MED13L: variants seen among roughly 807,000 people sequenced by gnomAD.
MED13L encodes the protein mediator complex subunit 13L.
A neutral mutation model predicts 220.9 loss-of-function variants in MED13L; 7 were observed. That is an observed-to-expected ratio of 0.03 (90% CI 0.02 to 0.06). MED13L has a LOEUF of 0.06. Among genes scored for constraint, MED13L ranks in the 10% least tolerant of loss-of-function variants. The pLI is 1.00. For synonymous variants in MED13L, 1,011 were observed against 1,015.2 expected (o/e 1.00, Z 0.08); for missense variants, 1,965 against 2,760.5 (o/e 0.71, Z 6.46).
intron 2 of MED13L, among the ~76,000 whole-genome samples, chr12:116,160,379 T>C (rs916029002): frequency 2.0e-5 from 3 of 152,062 alleles, no homozygotes; most frequent in Non-Finnish European, 2.9e-5. Context: ...ACCATTTAGG[T>C]GAGTCACGAT....
intron 3 of MED13L, 59 bp from the exon 4 acceptor site, chr12:116,096,811 T>C (rs1473528021): frequency 1.6e-6 from 2 of 1,249,912 alleles, no homozygotes; most frequent in African/African-American, 1.5e-5. Context: ...AGTAAGTCGC[T>C]GAAGCAATAC....
At chr12:116,128,487 C>T (rs1001452332) in intron 2 of MED13L, among the ~76,000 whole-genome samples, 11 of 151,168 alleles carry the variant, frequency 7.3e-5, no homozygotes, top group Non-Finnish European at 8.9e-5. Flanking sequence ...CCACAATAAA[C>T]TCACAATGTA....
intron 1 of MED13L, among the ~76,000 whole-genome samples, chr12:116,257,345 T>TA (rs1593218851): frequency 6.6e-6 from 1 of 152,214 alleles, no homozygotes; most frequent in Admixed American, 6.5e-5. Context: ...CATGCCCACT[T>TA]AAAGAACTAC....
At chr12:116,017,090 C>T (rs1457367439) in intron 7 of MED13L, among the ~76,000 whole-genome samples, 4 of 152,122 alleles carry the variant, frequency 2.6e-5, no homozygotes, top group Admixed American at 1.3e-4. Flanking sequence ...ACAAGGATAT[C>T]GGCAGCTTTT....
chr12:115,970,700 G>A lies in MED13L; in HGVS notation c.5961C>T (p.Thr1987=). The A allele has an allele frequency of 6.2e-7, 1 of 1,614,062 alleles. No homozygotes were observed. The highest frequency in any genetic ancestry group is 8.5e-7 in the Non-Finnish European group (1 of 1,179,942). The change falls in exon 27 of 31, where the codon ACC becomes ACT. Residue 1987 remains threonine, a synonymous_variant. Coordinates refer to ENST00000281928, the MANE Select transcript of MED13L (RefSeq NM_015335.5). ...TGTGTGTACAAGAAGCATCTTGAGG[G>A]GTGTTGAGCTGAGATGACTGCATGT... ...ALNMQSSQLN[T]PQDASCTHIL...
rs1274280900 is a variant in MED13L at position 115,961,247 on chromosome 12, A to T, written c.*19T>A. ...GCAGGGAGAAGGAACTGAGCCAGAG[A>T]GAACAAGTGCTTTTCCAATTAAAGT... On this transcript the variant is annotated 3_prime_UTR_variant, in exon 31 of 31. Transcript: ENST00000281928. 1 of 1,614,008 alleles carries T rather than the reference A, an allele frequency of 6.2e-7. No homozygotes were observed. Among genetic ancestry groups the T allele is most frequent in the African/African-American group, 1.3e-5 (1 of 74,948 alleles).
chr12:116,221,912 A>C (rs975094825), intron 2 of MED13L, among the ~76,000 whole-genome samples: 1 of 152,172 alleles, frequency 6.6e-6, no homozygotes, highest in East Asian at 1.9e-4. Context: ...AAATAATTAT[A>C]ATCATTCTTG....
chr12:116,240,592 G>A (rs1226161803), intron 1 of MED13L, among the ~76,000 whole-genome samples: 3 of 151,508 alleles, frequency 2.0e-5, no homozygotes, highest in African/African-American at 4.9e-5. Flanking sequence ...CAGTGCAGTG[G>A]CGCGATCTCG....
At chr12:116,252,417 T>G (rs1204983581) in intron 1 of MED13L, among the ~76,000 whole-genome samples, 1 of 151,816 alleles carries the variant, frequency 6.6e-6, no homozygotes, top group African/African-American at 2.4e-5. Flanking sequence ...CACATGCCTG[T>G]GGTCCCAGGT....
At position 116,088,704 on chromosome 12, in the gene MED13L, C is replaced by T. The variant is rs529329047; in HGVS notation, c.479+7965G>A. On this transcript the variant is annotated intron_variant, in intron 4 of 30. Transcript: ENST00000281928. ...AATCTGAATTCAGCCAAAGTTAACC[C>T]CTTGCTTAAAAAAGAAAGAAAAGAA... Among the ~76,000 whole-genome samples, 42 of 150,792 alleles carry T rather than the reference C, an allele frequency of 2.8e-4. 1 individual carries two copies. The South Asian group carries it at 8.2e-3, about 29-fold the overall frequency.
intron 1 of MED13L, among the ~76,000 whole-genome samples, chr12:116,270,211 G>A (rs773024651): frequency 9.3e-5 from 14 of 150,830 alleles, no homozygotes; most frequent in South Asian, 2.1e-4. Context: ...GCACCATCTC[G>A]GCTCACTGAA....
rs759751651 is a variant in MED13L, at chr12:116,237,672, T to C, written c.106A>G (p.Asn36Asp). ...CCACAGTCCCCATGCCCTCCAAAAT[T>C]GTACCTACGCCATTTGATTCCCGTG... ...ELTGIKWRRYNFGGHGDCGPI... is the reference protein window; with the variant it reads ...ELTGIKWRRYDFGGHGDCGPI... The change falls in exon 2 of 31, where the codon AAT (asparagine) becomes GAT (aspartate). Residue 36 changes from asparagine to aspartate, a missense_variant. Asn to Asp is a conservative substitution (Grantham distance 23). This residue lies in a region of MED13L where 818 missense variants were observed against 1,041.2 expected (regional missense o/e 0.79). Transcript: ENST00000281928. The C allele has an allele frequency of 2.5e-6, 4 of 1,614,048 alleles. No individual in the cohort carries two copies. In the Admixed American group the frequency reaches 5.0e-5, roughly 20 times the overall value.
At chr12:116,276,162 C>G (rs1464559734) in intron 1 of MED13L, among the ~76,000 whole-genome samples, 1 of 152,036 alleles carries the variant, frequency 6.6e-6, no homozygotes, top group Non-Finnish European at 1.5e-5. Context: ...CAGGCTTCCA[C>G]GAGAACAATT....
intron 2 of MED13L, among the ~76,000 whole-genome samples, chr12:116,168,679 T>C (rs1879462808): frequency 6.6e-6 from 1 of 152,224 alleles, no homozygotes; most frequent in African/African-American, 2.4e-5. Context: ...ATATGATAAC[T>C]GGTTCAGGTC....
At chr12:116,055,379 A>G (rs1868866067) in intron 4 of MED13L, among the ~76,000 whole-genome samples, 1 of 152,238 alleles carries the variant, frequency 6.6e-6, no homozygotes, top group South Asian at 2.1e-4. Flanking sequence ...GGATAATTAA[A>G]ATAGGTGCAA....
intron 2 of MED13L, among the ~76,000 whole-genome samples, chr12:116,154,504 G>T (rs1014942260): frequency 3.9e-5 from 6 of 152,096 alleles, no homozygotes; most frequent in African/African-American, 1.4e-4. Flanking sequence ...CCATGCAAAC[G>T]ATTTGTTTTT....
At chr12:115,982,113 T>C (rs1405539282) in intron 22 of MED13L, 1 of 405,048 alleles carries the variant, frequency 2.5e-6, no homozygotes, top group Non-Finnish European at 4.5e-6. Flanking sequence ...AAAAATATTG[T>C]ATAAAATTAC....
At chr12:116,264,587 T>C (rs2138569286) in intron 1 of MED13L, among the ~76,000 whole-genome samples, 1 of 152,344 alleles carries the variant, frequency 6.6e-6, no homozygotes, top group Middle Eastern at 3.4e-3. Context: ...ATTCCTTTCT[T>C]AGATCATCAC....
chr12:116,054,310 T>C (rs1169303113), intron 4 of MED13L, among the ~76,000 whole-genome samples: 2 of 152,070 alleles, frequency 1.3e-5, no homozygotes, highest in East Asian at 3.9e-4. Flanking sequence ...CCAGAAAATA[T>C]CATATCCCAC....
Sources: gnomAD v4.1 joint callset for allele counts (sites outside exome capture counted in the v4.1 genomes callset) on GRCh38, gnomAD v4.1.1 for gene constraint, gnomAD v4.1.1 regional missense constraint, MANE v1.5 for transcripts, NCBI Gene and HGNC (gene_info 2026-07-23, HGNC 2026-07-21) for gene names.